The following LCOR variants were observed in gnomAD, a reference collection of about 807,000 sequenced individuals.
LCOR encodes ligand-dependent corepressor.
Under a neutral mutation model 64.4 loss-of-function variants are expected in LCOR, and 14 were observed. The observed-to-expected ratio is 0.22, with a 90% CI of 0.14 to 0.34. LCOR has a LOEUF of 0.34. Among genes scored for constraint, LCOR ranks in the 10% least tolerant of loss-of-function variants. The pLI, the probability that LCOR is intolerant of heterozygous loss-of-function variation, is 1.00. For missense variants in LCOR, 1,686 were observed against 1,765.3 expected (o/e 0.96, Z 0.80); for synonymous variants, 643 against 642.5 (o/e 1.00, Z -0.01).
At chr10:96,975,302 CAG>C (rs1380678864) in intron 7 of LCOR, among the ~76,000 whole-genome samples, 1 of 152,142 alleles carries the variant, frequency 6.6e-6, no homozygotes, top group Non-Finnish European at 1.5e-5. Context: ...GCTGTTATAA[CAG>C]GGCCTTTTAA....
At position 96,925,140 on chromosome 10, in the gene LCOR, A is replaced by G. The variant is rs576002626; in HGVS notation, c.-184+17393A>G. 4.6e-5 allele frequency among the ~76,000 whole-genome samples: 7 copies of G among 151,902 alleles called. No individual in the cohort carries two copies. In the East Asian group the frequency reaches 9.7e-4, roughly 21 times the overall value. On this transcript the variant is annotated intron_variant, in intron 4 of 7. Transcript: ENST00000421806. ...GCCCAGGCTGAAGTACGGTGGTGCA[A>G]TCTGGGCTCACAGCAACCTCCGCGT... is the stretch of plus-strand genomic sequence containing the variant.
rs373229209 is a variant in LCOR at position 96,984,600 on chromosome 10, A to C, written c.4140A>C (p.Gly1380=). 1 of 1,614,178 alleles carries C rather than the reference A, an allele frequency of 6.2e-7. No homozygotes were observed. The highest frequency in any genetic ancestry group is 2.2e-5 in the East Asian group (1 of 44,882). The change falls in exon 8 of 8, where the codon GGA becomes GGC. Residue 1380 remains glycine (G), a synonymous_variant. Coordinates refer to ENST00000421806, the MANE Select transcript of LCOR (RefSeq NM_001346516.2). The part of the protein sequence containing the change: ...VKPKSTEGMK[G]RKGKQVSEIL... ...CCAAGAGTACTGAAGGAATGAAGGGAAGGAAGGGGAAGCAGGTGTCTGAAA... is the reference window on the plus strand; with the variant it reads ...CCAAGAGTACTGAAGGAATGAAGGGCAGGAAGGGGAAGCAGGTGTCTGAAA...
At chr10:96,949,445 A>G in intron 6 of LCOR, 150 bp downstream of exon 6, 1 of 765,464 alleles carries the variant, frequency 1.3e-6, no homozygotes, top group Non-Finnish European at 2.1e-6. Flanking sequence ...GCAGTGATGG[A>G]GAAGTACAGC....
At chr10:96,962,053 C>T (rs1847890012) in intron 7 of LCOR, 1 of 152,022 alleles carries the variant, frequency 6.6e-6, no homozygotes, top group Non-Finnish European at 1.5e-5. Context: ...GTCTTAGGTA[C>T]TGTAAGTTTT....
chr10:96,938,465 A>T (rs1847390924), intron 4 of LCOR, among the ~76,000 whole-genome samples: 1 of 152,186 alleles, frequency 6.6e-6, no homozygotes, highest in Non-Finnish European at 1.5e-5. Flanking sequence ...GCTTCCCCCG[A>T]GATCAGAAAC....
intron 1 of LCOR, chr10:96,833,106 G>A: frequency 1.0e-6 from 1 of 985,764 alleles, no homozygotes; most frequent in Non-Finnish European, 1.2e-6. Context: ...GTTAATCCTC[G>A]ACGCACGGGT....
At position 96,983,221 on chromosome 10, in the gene LCOR, A is replaced by G; in HGVS notation, c.2761A>G (p.Lys921Glu). Reference protein sequence around the residue: ...TLKNMLDKEVKELRGEIFPSR... With the variant: ...TLKNMLDKEVEELRGEIFPSR... ...GAAAAACATGCTGGACAAAGAAGTC[A>G]AGGAGTTACGAGGAGAGATTTTCCC... is the stretch of plus-strand genomic sequence containing the variant. The change falls in exon 8 of 8, where the codon AAG becomes GAG. Residue 921 changes from lysine to glutamate, a missense_variant. Transcript: ENST00000421806. The surrounding 1 kb of genome is among the most constrained non-coding windows in gnomAD (Gnocchi z 4.5). 3 of 1,614,198 alleles carry G rather than the reference A, an allele frequency of 1.9e-6. No individual in the cohort carries two copies. The highest frequency in any genetic ancestry group is 2.5e-6 in the Non-Finnish European group (3 of 1,180,048).
chr10:96,918,292 C>T (rs762473950), intron 4 of LCOR, among the ~76,000 whole-genome samples: 3 of 152,098 alleles, frequency 2.0e-5, no homozygotes, highest in Non-Finnish European at 4.4e-5. Context: ...AATGTGGACT[C>T]CTGTACCATT....
intron 7 of LCOR, chr10:96,957,239 C>T (rs1176573646): frequency 1.0e-6 from 1 of 984,556 alleles, no homozygotes; most frequent in Non-Finnish European, 1.2e-6. Flanking sequence ...ACATAATACC[C>T]CCCTTCTTGA....
chr10:96,959,680 G>A (rs1847849807), intron 7 of LCOR: 1 of 152,068 alleles, frequency 6.6e-6, no homozygotes, highest in African/African-American at 2.4e-5. Flanking sequence ...ATACCATGAA[G>A]GACAAGGTCA....
chr10:96,900,882 T>C (rs1343075049), intron 2 of LCOR, among the ~76,000 whole-genome samples: 1 of 149,178 alleles, frequency 6.7e-6, no homozygotes, highest in Non-Finnish European at 1.5e-5. Context: ...TTTTTTTTTC[T>C]TTTTTCTGTT....
At chr10:96,949,380 T>A in intron 6 of LCOR, 85 bp downstream of exon 6, 1 of 1,203,780 alleles carries the variant, frequency 8.3e-7, no homozygotes, top group South Asian at 1.3e-5. Flanking sequence ...AAGTAGAGCA[T>A]CAGCAGCAAT....
At chr10:96,872,060 C>T (rs2134406897) in intron 2 of LCOR, among the ~76,000 whole-genome samples, 1 of 152,312 alleles carries the variant, frequency 6.6e-6, no homozygotes, top group South Asian at 2.1e-4. Context: ...CCAGAAACAC[C>T]TGAGATGAGT....
intron 2 of LCOR, among the ~76,000 whole-genome samples, chr10:96,902,174 C>T (rs1374653208): frequency 1.3e-5 from 2 of 151,656 alleles, no homozygotes; most frequent in East Asian, 1.9e-4. Context: ...AATAAAAATA[C>T]TATTTATAAT....
At chr10:96,837,399 G>A (rs1344425373) in intron 2 of LCOR, among the ~76,000 whole-genome samples, 1 of 152,104 alleles carries the variant, frequency 6.6e-6, no homozygotes, top group Non-Finnish European at 1.5e-5. Flanking sequence ...GGGATTACAG[G>A]CTCGTGCCAC....
intron 6 of LCOR, among the ~76,000 whole-genome samples, chr10:96,949,865 AC>A (rs1475635236): frequency 6.6e-6 from 1 of 152,228 alleles, no homozygotes; most frequent in East Asian, 1.9e-4. Flanking sequence ...ACACACATCC[AC>A]TGACTAACTT....
At chr10:96,915,102 AGGAGGG>A (rs1470271424) in intron 4 of LCOR, among the ~76,000 whole-genome samples, 11 of 152,346 alleles carry the variant, frequency 7.2e-5, no homozygotes, top group African/African-American at 2.4e-4. Context: ...TCTCAAAACT[AGGAGGG>A]AAAGGTGTTT....
chr10:96,954,549 T>C (rs912989943), intron 7 of LCOR, among the ~76,000 whole-genome samples: 2 of 152,228 alleles, frequency 1.3e-5, no homozygotes, highest in African/African-American at 4.8e-5. Flanking sequence ...CTTTTATTAC[T>C]GTACTTGTTT....
intron 4 of LCOR, among the ~76,000 whole-genome samples, chr10:96,931,341 C>T (rs1175090409): frequency 6.6e-6 from 1 of 151,320 alleles, no homozygotes; most frequent in Non-Finnish European, 1.5e-5. Flanking sequence ...TCAAGTGATT[C>T]TTCTGCATCA....
Sources: allele counts gnomAD v4.1 joint callset (sites outside exome capture counted in the v4.1 genomes callset), GRCh38; gene constraint gnomAD v4.1.1; non-coding constraint Gnocchi (gnomAD v3.1); transcripts MANE v1.5; gene names NCBI Gene and HGNC (gene_info 2026-07-23, HGNC 2026-07-21).